ZIM3: variants seen among roughly 807,000 people sequenced by gnomAD.
ZIM3 encodes the protein zinc finger protein 657.
A neutral mutation model predicts 12.9 loss-of-function variants in ZIM3; 11 were observed. The observed-to-expected ratio is 0.85, with a 90% confidence interval of 0.54 to 1.41. ZIM3 has a LOEUF of 1.41. Ranked by LOEUF, ZIM3 falls within the 40% of genes most tolerant of loss-of-function variation. The pLI is 0.00. For missense variants in ZIM3, 604 were observed against 557.2 expected, an observed-to-expected ratio of 1.08 and a Z score of -0.85; for synonymous variants, 205 against 198.5, an observed-to-expected ratio of 1.03 and a Z score of -0.28.
chr19:57,143,109 C>T (rs2086921124), intron 1 of ZIM3, among the ~76,000 whole-genome samples: 1 of 151,880 alleles, frequency 6.6e-6, no homozygotes, highest in Non-Finnish European at 1.5e-5. Context: ...AGGCGGATCA[C>T]GAGGTCAGGA....
intron 2 of ZIM3, among the ~76,000 whole-genome samples, chr19:57,139,786 T>A (rs2086905691): frequency 6.6e-6 from 1 of 152,120 alleles, no homozygotes; most frequent in Admixed American, 6.6e-5. Context: ...TCCAGCTACA[T>A]CTAAACTGAC....
chr19:57,143,102 C>T (rs1012174211), intron 1 of ZIM3, among the ~76,000 whole-genome samples: 8 of 151,854 alleles, frequency 5.3e-5, no homozygotes, highest in African/African-American at 1.9e-4. Flanking sequence ...CCGAGGCAGG[C>T]GGATCACGAG....
rs752256791 is a variant in ZIM3, at chr19:57,135,900, TG to T, written c.436del (p.His146ThrfsTer9). 2.5e-5 allele frequency: 40 copies of T among 1,614,104 alleles called. No individual in the cohort carries two copies. In the East Asian group the frequency reaches 8.7e-4, roughly 35 times the overall value. On this transcript the variant is annotated frameshift_variant, in exon 5 of 5. Coordinates refer to ENST00000269834, the MANE Select transcript of ZIM3 (RefSeq NM_052882.1). LOFTEE classifies it low-confidence loss of function (END_TRUNC). The part of the protein sequence containing the change: ...SLQHYVQNNS[H>X]DDNGYRKLVG... ...TAATTTTCTGTATCCATTATCATCG[TG>T]AGAATTATTTTGTACATAGTGTTGC...
intron 1 of ZIM3, among the ~76,000 whole-genome samples, chr19:57,142,895 TC>T (rs2086920180): frequency 6.6e-6 from 1 of 152,040 alleles, no homozygotes; most frequent in Non-Finnish European, 1.5e-5. Flanking sequence ...AGACTGGGTC[TC>T]AAAGAAGAAA....
At chr19:57,138,395 T>C in intron 3 of ZIM3, 77 bp downstream of exon 3, 5 of 1,603,716 alleles carry the variant, frequency 3.1e-6, no homozygotes, top group Middle Eastern at 3.9e-4. Flanking sequence ...GTGCCAACCC[T>C]ATTTGGCCAG....
chr19:57,144,809 A>G (rs2086930308), intron 1 of ZIM3, 50 bp downstream of exon 1: 1 of 151,958 alleles, frequency 6.6e-6, no homozygotes, highest in Non-Finnish European at 1.5e-5. Flanking sequence ...ACAAACAAAC[A>G]AACAAAACCC....
chr19:57,137,014 T>A, intron 3 of ZIM3, 43 bp from the exon 4 acceptor site: 1 of 1,595,756 alleles, frequency 6.3e-7, no homozygotes, highest in Non-Finnish European at 8.6e-7. Context: ...TGTGGATGTG[T>A]GAGTTGTTTG....
intron 3 of ZIM3, 125 bp downstream of exon 3, chr19:57,138,347 G>A (rs2086899226): frequency 7.2e-6 from 10 of 1,397,728 alleles, no homozygotes; most frequent in South Asian, 2.4e-5. Flanking sequence ...CCCTAGTCCC[G>A]GCTCTACAAA....
chr19:57,144,257 C>A (rs2086927633), intron 1 of ZIM3, among the ~76,000 whole-genome samples: 1 of 151,826 alleles, frequency 6.6e-6, no homozygotes, highest in African/African-American at 2.4e-5. Flanking sequence ...GCTATGTCAC[C>A]TAAACTGGTC....
chr19:57,140,781 C>T (rs1261083689), intron 2 of ZIM3, among the ~76,000 whole-genome samples: 1 of 152,092 alleles, frequency 6.6e-6, no homozygotes, highest in African/African-American at 2.4e-5. Context: ...CTTAGTATGC[C>T]TTTCCTGTCA....
chr19:57,138,101 AG>A, intron 3 of ZIM3, among the ~76,000 whole-genome samples: 2 of 91,898 alleles, frequency 2.2e-5, no homozygotes, highest in African/African-American at 8.0e-5. Flanking sequence ...GAAGGGAGGA[AG>A]GGAAGGAGGC....
Position 57,134,246 on chromosome 19 carries a change from T to C in ZIM3, c.*672A>G, listed in dbSNP as rs1383932687. Reference sequence around the variant, plus strand: ...ACTCATGAATTATAGAAATCATCCCTAAAAGTATAAAGTGCTGTCTTATTT... The same window carrying C: ...ACTCATGAATTATAGAAATCATCCCCAAAAGTATAAAGTGCTGTCTTATTT... On this transcript the variant is annotated 3_prime_UTR_variant, in exon 5 of 5. Coordinates refer to ENST00000269834, the MANE Select transcript of ZIM3 (RefSeq NM_052882.1). 3 of 152,252 alleles carry C rather than the reference T, an allele frequency of 2.0e-5. No homozygotes were observed. Among genetic ancestry groups the C allele is most frequent in the African/African-American group, 7.2e-5 (3 of 41,454 alleles). The allele number at this position is 152,252 out of a possible 1,614,324, so 9.4% of individuals were successfully genotyped here.
rs770013201 is a variant in ZIM3 at position 57,136,973 on chromosome 19, T to C, written c.143-2A>G. On this transcript the variant is annotated splice_acceptor_variant, in intron 3 of 4. Coordinates refer to ENST00000269834, the MANE Select transcript of ZIM3 (RefSeq NM_052882.1). LOFTEE classifies it high-confidence loss of function. The stretch of plus-strand genomic sequence containing the variant: ...CGGGTTTGGTGGTTTCCCCTTGTCC[T>C]GTGATGGAAGATACCGCAAGGCTTG... 33 of 1,614,126 alleles carry C rather than the reference T, an allele frequency of 2.0e-5. No individual in the cohort carries two copies. The South Asian group carries it at 3.6e-4, about 18-fold the overall frequency.
Position 57,135,734 on chromosome 19 carries a change from T to C in ZIM3, c.603A>G (p.Gly201=). 6.2e-7 allele frequency: 1 copy of C among 1,614,020 alleles called. No homozygotes were observed. Among genetic ancestry groups the C allele is most frequent in the South Asian group, 1.1e-5 (1 of 91,090 alleles). Residue 201 remains glycine, a synonymous_variant, in exon 5 of 5, where the codon GGA becomes GGG. Coordinates refer to ENST00000269834, the MANE Select transcript of ZIM3 (RefSeq NM_052882.1). The part of the protein sequence containing the change: ...CQKPFECHSC[G]RAFGEKWKLD... ...GCTTCCACTTCTCCCCGAATGCTCT[T>C]CCACAGCTATGACATTCAAAGGGTT...
chr19:57,136,892 C>T lies in ZIM3; in HGVS notation c.222G>A (p.Val74=). The change falls in exon 4 of 5, where the codon GTG becomes GTA. Residue 74 remains valine, a synonymous_variant. Coordinates refer to ENST00000269834, the MANE Select transcript of ZIM3 (RefSeq NM_052882.1). ...ACCTACCTGCACGGCCACTTCCCAG[C>T]ACTTCCTCTTCCTCCAACCATGGCT... ...GKEPWLEEEE[V]LGSGRAEKNG... The T allele has an allele frequency of 6.2e-7, 1 of 1,614,178 alleles. No homozygotes were observed. Among genetic ancestry groups the T allele is most frequent in the South Asian group, 1.1e-5 (1 of 91,090 alleles).
chr19:57,143,512 C>G (rs1375031972), intron 1 of ZIM3, among the ~76,000 whole-genome samples: 1 of 152,062 alleles, frequency 6.6e-6, no homozygotes, highest in African/African-American at 2.4e-5. Context: ...CCGCAGTGAA[C>G]ATGGGATGCA....
At chr19:57,137,652 G>T (rs959710860) in intron 3 of ZIM3, among the ~76,000 whole-genome samples, 2 of 151,486 alleles carry the variant, frequency 1.3e-5, no homozygotes, top group African/African-American at 4.9e-5. Context: ...GGCGGAGGTT[G>T]CAGTGAGCCG....
chr19:57,141,386 G>C (rs993044412), intron 2 of ZIM3, among the ~76,000 whole-genome samples: 1 of 131,966 alleles, frequency 7.6e-6, no homozygotes, highest in African/African-American at 3.1e-5. Context: ...GGGTGGCAGA[G>C]GGAGACTGTC....
intron 3 of ZIM3, among the ~76,000 whole-genome samples, chr19:57,137,970 AGAAGGAAGGAAAGAAGGAAG>A (rs1568458841): frequency 2.4e-4 from 8 of 32,992 alleles, no homozygotes; most frequent in Non-Finnish European, 1.6e-4. Flanking sequence ...AAGGAAGGAA[AGAAGGAAGGAAAGAAGGAAG>A]GAAGGAAGGA....
Sources: allele counts gnomAD v4.1 joint callset (sites outside exome capture counted in the v4.1 genomes callset), GRCh38; gene constraint gnomAD v4.1.1; transcripts MANE v1.5; gene names NCBI Gene and HGNC (gene_info 2026-07-23, HGNC 2026-07-21).